Variants in ADAMTS2 observed in about 807,000 individuals in gnomAD.
The protein encoded by ADAMTS2 is ADAM metallopeptidase with thrombospondin type 1 motif 2, also known as A disintegrin and metalloproteinase with thrombospondin motifs 2.
A neutral mutation model predicts 123.0 loss-of-function variants in ADAMTS2; 50 were observed. That is an observed-to-expected ratio of 0.41 (90% confidence interval 0.32 to 0.51). ADAMTS2 has a LOEUF of 0.51. Among genes scored for constraint, ADAMTS2 ranks in the 20% least tolerant of loss-of-function variants. The pLI, the probability that ADAMTS2 is intolerant of heterozygous loss-of-function variation, is 0.35. For missense variants in ADAMTS2, 1,494 were observed against 1,705.2 expected (o/e 0.88, Z 2.18); for synonymous variants, 678 against 695.4 (o/e 0.98, Z 0.39).
At chr5:179,127,892 G>A (rs1003393247) in intron 17 of ADAMTS2, 67 bp downstream of exon 17, 3 of 1,604,060 alleles carry the variant, frequency 1.9e-6, no homozygotes, top group African/African-American at 2.7e-5. Context: ...CCCACCCCAG[G>A]GATGCTCCCT....
rs373840721 is a variant in ADAMTS2, at chr5:179,288,965, C to T, written c.535-15901G>A. On this transcript the variant is annotated intron_variant, in intron 2 of 21. Coordinates refer to ENST00000251582, the MANE Select transcript of ADAMTS2 (RefSeq NM_014244.5). ...AGCACAGCCCCGCCCTCCGGCAGTGCCAAGCCCGGGATCTCAGGGCCCCCA... is the reference window on the plus strand; with the variant it reads ...AGCACAGCCCCGCCCTCCGGCAGTGTCAAGCCCGGGATCTCAGGGCCCCCA... 3.9e-5 allele frequency among the ~76,000 whole-genome samples: 6 copies of T among 152,244 alleles called. No homozygotes were observed. The East Asian group carries it at 5.8e-4, about 15-fold the overall frequency.
At chr5:179,298,655 G>A (rs565322040) in intron 2 of ADAMTS2, among the ~76,000 whole-genome samples, 5 of 152,282 alleles carry the variant, frequency 3.3e-5, no homozygotes, top group South Asian at 2.1e-4. Context: ...CGGGCTCTAC[G>A]GAACTGGGAG....
chr5:179,320,513 T>C (rs1467679559), intron 2 of ADAMTS2, among the ~76,000 whole-genome samples: 1 of 144,388 alleles, frequency 6.9e-6, no homozygotes, highest in Non-Finnish European at 1.5e-5. Flanking sequence ...AGAGACGAGG[T>C]TTCACCATTT....
In ADAMTS2 at chr5:179,113,690, T is replaced by C; in HGVS notation, c.*177A>G. 2 of 689,116 alleles carry C rather than the reference T, an allele frequency of 2.9e-6. No homozygotes were observed. The highest frequency in any genetic ancestry group is 5.0e-6 in the Non-Finnish European group (2 of 400,866). 42.7% of individuals were successfully genotyped at this position (689,116 alleles called of 1,614,324 possible). A position where few individuals can be genotyped will look rare whatever the true frequency, so the allele number is the denominator to read the frequency against. On this transcript the variant is annotated 3_prime_UTR_variant, in exon 22 of 22. Coordinates refer to ENST00000251582, the MANE Select transcript of ADAMTS2 (RefSeq NM_014244.5). ...CTCCTGGGCTGGGAAGCACACGTGC[T>C]AACCTAGTTACCACATGCTCATGCC...
chr5:179,341,502 C>T (rs937902088), intron 2 of ADAMTS2, among the ~76,000 whole-genome samples: 1 of 151,752 alleles, frequency 6.6e-6, no homozygotes, highest in African/African-American at 2.4e-5. Flanking sequence ...AGATTGAGAC[C>T]ACCCTGGCTA....
intron 3 of ADAMTS2, among the ~76,000 whole-genome samples, chr5:179,208,056 T>C (rs1160330054): frequency 5.6e-5 from 5 of 89,490 alleles, no homozygotes; most frequent in Admixed American, 1.2e-4. Context: ...CATCACCGTC[T>C]GCCTTATGGA....
At chr5:179,288,808 G>T (rs956038391) in intron 2 of ADAMTS2, among the ~76,000 whole-genome samples, 1 of 152,188 alleles carries the variant, frequency 6.6e-6, no homozygotes, top group South Asian at 2.1e-4. Flanking sequence ...ACAGATCCTG[G>T]TCCTCACAAG....
chr5:179,256,088 G>A lies in ADAMTS2; in HGVS notation c.688+16823C>T, dbSNP rs1009288377. Among the ~76,000 whole-genome samples, 1 of 152,164 alleles carries A rather than the reference G, an allele frequency of 6.6e-6. No homozygotes were observed. The highest frequency in any genetic ancestry group is 1.5e-5 in the Non-Finnish European group (1 of 68,026). ...TTGGTCCACCGTGGACAGCGTCTCT[G>A]ACACGGTCCTTCTTCCCACAGGGAG... On this transcript the variant is annotated intron_variant, in intron 3 of 21. Coordinates refer to ENST00000251582, the MANE Select transcript of ADAMTS2 (RefSeq NM_014244.5). This position sits in a 1 kb window ranked among gnomAD's most constrained non-coding sequence, Gnocchi z 4.1.
In ADAMTS2 at chr5:179,326,145, T is replaced by C. The variant is rs141269500; in HGVS notation, c.534+17622A>G. Among the ~76,000 whole-genome samples, 190 of 152,296 alleles carry C rather than the reference T, an allele frequency of 1.2e-3. 1 individual carries two copies. Among genetic ancestry groups the C allele is most frequent in the African/African-American group, 4.2e-3 (176 of 41,564 alleles). On this transcript the variant is annotated intron_variant, in intron 2 of 21. Transcript: ENST00000251582. ...CCAGACTGGAAATCTTTTCCGCATC[T>C]TGACTAATTGTTTTCAGGTGGGAAG... is the stretch of plus-strand genomic sequence containing the variant.
intron 2 of ADAMTS2, among the ~76,000 whole-genome samples, chr5:179,296,669 G>T (rs1281072860): frequency 2.0e-5 from 3 of 152,252 alleles, no homozygotes; most frequent in East Asian, 3.9e-4. Flanking sequence ...CTGGGCAGAG[G>T]GCAGGAGGGA....
At chr5:179,224,856 G>A (rs1028882640) in intron 3 of ADAMTS2, among the ~76,000 whole-genome samples, 1 of 148,000 alleles carries the variant, frequency 6.8e-6, no homozygotes, top group Non-Finnish European at 1.5e-5. Flanking sequence ...TGTGTCCTCA[G>A]GTCTGTCTGC....
chr5:179,283,549 CAA>C (rs3986816), intron 2 of ADAMTS2, among the ~76,000 whole-genome samples: 71 of 51,330 alleles, frequency 1.4e-3, no homozygotes, highest in Middle Eastern at 0.022. Flanking sequence ...AGAAAAACAG[CAA>C]AAAAAAAAAA....
intron 11 of ADAMTS2, 100 bp downstream of exon 11, chr5:179,139,790 G>A: frequency 1.3e-6 from 2 of 1,556,092 alleles, no homozygotes; most frequent in East Asian, 2.3e-5. Flanking sequence ...CAGAACTGGT[G>A]TGCAGCCACA....
intron 3 of ADAMTS2, among the ~76,000 whole-genome samples, chr5:179,208,057 G>A (rs895161881): frequency 1.1e-5 from 1 of 88,018 alleles, no homozygotes; most frequent in South Asian, 3.8e-4. Flanking sequence ...ATCACCGTCT[G>A]CCTTATGGAG....
chr5:179,127,939 CA>C lies in ADAMTS2; in HGVS notation c.2617+19del, dbSNP rs753157368. ...GTCACCCTCATGTCACCCAGGTCCC[CA>C]GCTTCGAGACCCCCTCACCTCCGCC... On this transcript the variant is annotated intron_variant, in intron 17 of 21. Transcript: ENST00000251582. 2.6e-4 allele frequency: 421 copies of C among 1,613,034 alleles called. No individual in the cohort carries two copies. Among genetic ancestry groups the C allele is most frequent in the Non-Finnish European group, 3.0e-4 (355 of 1,180,012 alleles).
At chr5:179,306,848 T>C (rs1756686362) in intron 2 of ADAMTS2, among the ~76,000 whole-genome samples, 1 of 152,136 alleles carries the variant, frequency 6.6e-6, no homozygotes, top group Admixed American at 6.5e-5. Context: ...AGCAACTCCA[T>C]GAGATCGAGT....
Position 179,154,038 on chromosome 5 carries a change from G to A in ADAMTS2, c.1382+11C>T. 6.3e-7 allele frequency: 1 copy of A among 1,596,754 alleles called. No homozygotes were observed. The highest frequency in any genetic ancestry group is 8.5e-7 in the Non-Finnish European group (1 of 1,175,010). On this transcript the variant is annotated intron_variant, in intron 8 of 21. Transcript: ENST00000251582. ...GAGGGGTCGCCCACGGGGCACATGG[G>A]CAGTACTCACTGCAGGTAGCGGCTC... is the stretch of plus-strand genomic sequence containing the variant.
At chr5:179,238,358 C>T (rs1340160718) in intron 3 of ADAMTS2, among the ~76,000 whole-genome samples, 4 of 152,098 alleles carry the variant, frequency 2.6e-5, no homozygotes, top group Non-Finnish European at 5.9e-5. Context: ...TGGGAGTCAC[C>T]GCAGCTCCCT....
intron 2 of ADAMTS2, among the ~76,000 whole-genome samples, chr5:179,273,766 G>A (rs1249490927): frequency 6.6e-6 from 1 of 151,954 alleles, no homozygotes; most frequent in Non-Finnish European, 1.5e-5. Flanking sequence ...CTGAACTGCT[G>A]CCCCTGACCC....
Sources: gnomAD v4.1 joint callset for allele counts (sites outside exome capture counted in the v4.1 genomes callset) on GRCh38, gnomAD v4.1.1 for gene constraint, Gnocchi (gnomAD v3.1) non-coding constraint, MANE v1.5 for transcripts, NCBI Gene and HGNC (gene_info 2026-07-23, HGNC 2026-07-21) for gene names.